The following LARGE1 variants were observed in gnomAD, a reference collection of about 807,000 sequenced individuals.
The protein encoded by LARGE1 is LARGE xylosyl- and glucuronyltransferase 1.
Under a neutral mutation model 87.6 loss-of-function variants are expected in LARGE1, and 43 were observed. That is an observed-to-expected ratio of 0.49 (90% CI 0.38 to 0.63). The LOEUF (loss-of-function observed/expected upper bound fraction) is 0.63, where lower values mean the gene tolerates loss of function less well. Ranked by LOEUF, LARGE1 falls within the 30% of genes least tolerant of loss-of-function variation. LARGE1 has a pLI of 0.00. For synonymous variants in LARGE1, 434 were observed against 394.6 expected, an observed-to-expected ratio of 1.10 and a Z score of -1.18; for missense variants, 802 against 1,000.2, an observed-to-expected ratio of 0.80 and a Z score of 2.67.
At chr22:33,502,759 A>G (rs569479692) in intron 6 of LARGE1, among the ~76,000 whole-genome samples, 6 of 152,136 alleles carry the variant, frequency 3.9e-5, no homozygotes, top group Middle Eastern at 3.4e-3. Context: ...AGTAGAGACA[A>G]GGTTTCACCA....
At chr22:33,518,637 C>T (rs2071420818) in intron 6 of LARGE1, among the ~76,000 whole-genome samples, 1 of 152,164 alleles carries the variant, frequency 6.6e-6, no homozygotes, top group South Asian at 2.1e-4. Context: ...CCCAGGCTGA[C>T]TGGCTCTGGA....
intron 6 of LARGE1, among the ~76,000 whole-genome samples, chr22:33,564,079 G>A (rs1378751723): frequency 2.6e-5 from 4 of 152,102 alleles, no homozygotes; most frequent in South Asian, 2.1e-4. Flanking sequence ...AGGGGCTAGC[G>A]TGCAATTAAA....
rs532279705 is a variant in LARGE1, at chr22:33,837,257, T to C, written c.-82-75699A>G. Among the ~76,000 whole-genome samples, 43 of 149,754 alleles carry C rather than the reference T, an allele frequency of 2.9e-4. No individual in the cohort carries two copies. In the East Asian group the frequency reaches 6.9e-3, roughly 24 times the overall value. ...TATATGGAGTAGAGAGTATTACATA[T>C]ACACACACACACACACACACACACC... On this transcript the variant is annotated intron_variant, in intron 1 of 14. Transcript: ENST00000397394.
chr22:33,238,374 T>C (rs879215915), intron 11 of LARGE1, among the ~76,000 whole-genome samples: 1 of 152,156 alleles, frequency 6.6e-6, no homozygotes, highest in Admixed American at 6.5e-5. Context: ...ACTGACATAA[T>C]TGCAAAGAAA....
chr22:33,111,616 A>G, the LARGE1 span, among the ~76,000 whole-genome samples: 1 of 152,148 alleles, frequency 6.6e-6, no homozygotes, highest in African/African-American at 2.4e-5. Flanking sequence ...TTTAACCTCA[A>G]AAAACGTCAT....
intron 6 of LARGE1, among the ~76,000 whole-genome samples, chr22:33,435,250 C>T (rs1367162194): frequency 7.2e-5 from 11 of 152,182 alleles, no homozygotes; most frequent in Non-Finnish European, 1.0e-4. Flanking sequence ...GATCCTCCCA[C>T]CGCAGCCTCC....
chr22:33,091,962 C>T, the LARGE1 span, among the ~76,000 whole-genome samples: 358 of 152,250 alleles, frequency 2.4e-3, 3 homozygotes, highest in Middle Eastern at 0.031. Context: ...TGCAGTGGCG[C>T]AGTCTTGGCT....
intron 1 of LARGE1, among the ~76,000 whole-genome samples, chr22:33,780,177 T>C (rs754357316): frequency 6.6e-6 from 1 of 152,188 alleles, no homozygotes; most frequent in Admixed American, 6.5e-5. Context: ...AGGACGCTGG[T>C]TGTAATGGAT....
At chr22:33,855,281 C>T (rs1568989346) in intron 1 of LARGE1, among the ~76,000 whole-genome samples, 1 of 152,066 alleles carries the variant, frequency 6.6e-6, no homozygotes, top group Non-Finnish European at 1.5e-5. Context: ...TTGCAGTGAG[C>T]GGAGATCGCG....
intron 9 of LARGE1, among the ~76,000 whole-genome samples, chr22:33,359,090 CCAAA>C (rs1432605998): frequency 6.6e-6 from 1 of 151,902 alleles, no homozygotes; most frequent in Non-Finnish European, 1.5e-5. Context: ...CCCACTTAAT[CCAAA>C]CAGAGTTCAT....
At chr22:33,825,947 A>G (rs979662224) in intron 1 of LARGE1, among the ~76,000 whole-genome samples, 3 of 152,062 alleles carry the variant, frequency 2.0e-5, no homozygotes, top group Admixed American at 6.6e-5. Flanking sequence ...GAGTAAGAGC[A>G]CAGAGCTGGG....
intron 5 of LARGE1, among the ~76,000 whole-genome samples, chr22:33,596,983 T>C (rs1423941762): frequency 1.3e-5 from 2 of 152,218 alleles, no homozygotes; most frequent in Non-Finnish European, 2.9e-5. Context: ...CCTTACTTCA[T>C]TTCTCATGTT....
At chr22:33,758,939 C>T (rs960779960) in intron 2 of LARGE1, among the ~76,000 whole-genome samples, 4 of 152,134 alleles carry the variant, frequency 2.6e-5, no homozygotes, top group Admixed American at 6.5e-5. Context: ...CTCCCATAAC[C>T]GCAGTGACTG....
At chr22:33,316,782 T>G (rs1936209275) in intron 10 of LARGE1, among the ~76,000 whole-genome samples, 1 of 152,082 alleles carries the variant, frequency 6.6e-6, no homozygotes, top group Non-Finnish European at 1.5e-5. Flanking sequence ...GAGGATGCCT[T>G]TAACACCTGA....
chr22:33,846,939 G>A (rs754281921), intron 1 of LARGE1, among the ~76,000 whole-genome samples: 8 of 152,114 alleles, frequency 5.3e-5, no homozygotes, highest in Admixed American at 6.5e-5. Context: ...TTGTGATCTC[G>A]TTCTGCCTCC....
intron 7 of LARGE1, among the ~76,000 whole-genome samples, chr22:33,406,512 G>A (rs1358210089): frequency 3.3e-5 from 5 of 151,828 alleles, no homozygotes; most frequent in Non-Finnish European, 1.5e-5. Context: ...TGACTTGAAC[G>A]CACACACCCT....
At chr22:33,391,764 C>CT (rs1569122061) in intron 7 of LARGE1, among the ~76,000 whole-genome samples, 29 of 141,860 alleles carry the variant, frequency 2.0e-4, no homozygotes, top group African/African-American at 4.0e-4. Context: ...TTTCCTTTTT[C>CT]CTTTTTTTTT....
At chr22:33,471,410 A>C (rs1224349455) in intron 6 of LARGE1, among the ~76,000 whole-genome samples, 1 of 152,044 alleles carries the variant, frequency 6.6e-6, no homozygotes, top group African/African-American at 2.4e-5. Flanking sequence ...AAGTACAAAA[A>C]CAACTATAAT....
chr22:33,292,214 A>T (rs113936583), intron 12 of LARGE1, among the ~76,000 whole-genome samples: 5 of 152,180 alleles, frequency 3.3e-5, no homozygotes, highest in African/African-American at 9.7e-5. Flanking sequence ...CTCTAGAACC[A>T]TGGGGAATAC....
Sources: allele counts gnomAD v4.1 joint callset (sites outside exome capture counted in the v4.1 genomes callset), GRCh38; gene constraint gnomAD v4.1.1; transcripts MANE v1.5; gene names NCBI Gene and HGNC (gene_info 2026-07-23, HGNC 2026-07-21).